Variants in FBN2 observed in about 807,000 individuals in gnomAD.
FBN2 encodes fibrillin-2.
In FBN2, 105 loss-of-function variants were observed where a neutral mutation model predicts 355.6. The ratio of observed to expected loss-of-function variants is 0.30; its 90% CI spans 0.25 to 0.35. FBN2 has a LOEUF of 0.35. FBN2 is among the 10% of genes least tolerant of loss of function. The probability of loss-of-function intolerance (pLI) is 1.00; values close to 1 mark genes in which losing one functional copy is unlikely to be tolerated. For synonymous variants in FBN2, 1,350 were observed against 1,301.2 expected (o/e 1.04, Z -0.81); for missense variants, 3,280 against 3,758.7 (o/e 0.87, Z 3.33).
At position 128,274,549 on chromosome 5, in the gene FBN2, T is replaced by G; in HGVS notation, c.7711+18A>C. The G allele has an allele frequency of 7.1e-7, 1 of 1,404,214 alleles. No homozygotes were observed. Among genetic ancestry groups the G allele is most frequent in the Non-Finnish European group, 1.0e-6 (1 of 988,354 alleles). The allele number at this position is 1,404,214 out of a possible 1,614,324, so 87.0% of individuals were successfully genotyped here. ...TACTAGAAGTTTGTAAAATTTCCCA[T>G]TTGTAACTTTGTCTTACCGATACAA... On this transcript the variant is annotated intron_variant, in intron 60 of 64. Coordinates refer to ENST00000262464, the MANE Select transcript of FBN2 (RefSeq NM_001999.4).
At chr5:128,500,167 T>A (rs1051365216) in intron 5 of FBN2, among the ~76,000 whole-genome samples, 1 of 151,876 alleles carries the variant, frequency 6.6e-6, no homozygotes, top group African/African-American at 2.4e-5. Context: ...ATAAAAAAAA[T>A]TCCTGGAAAA....
At chr5:128,506,429 T>G (rs1426617093) in intron 5 of FBN2, among the ~76,000 whole-genome samples, 1 of 152,176 alleles carries the variant, frequency 6.6e-6, no homozygotes, top group Non-Finnish European at 1.5e-5. Context: ...AATAAGATGA[T>G]GTAAATGGTA....
intron 36 of FBN2, among the ~76,000 whole-genome samples, chr5:128,316,263 G>A (rs559642810): frequency 3.4e-4 from 52 of 151,972 alleles, no homozygotes; most frequent in Non-Finnish European, 7.1e-4. Flanking sequence ...TCCACTTCTC[G>A]TTATTTTACT....
intron 9 of FBN2, among the ~76,000 whole-genome samples, chr5:128,394,042 T>C (rs1325648839): frequency 2.0e-5 from 3 of 152,178 alleles, no homozygotes; most frequent in Non-Finnish European, 2.9e-5. Flanking sequence ...TCCAAAATTA[T>C]TTACTAGGCA....
At chr5:128,330,450 G>T in intron 33 of FBN2, 123 bp downstream of exon 33, 1 of 962,286 alleles carries the variant, frequency 1.0e-6, no homozygotes, top group Non-Finnish European at 1.6e-6. Flanking sequence ...TCACCTGCAA[G>T]TCAAGTATAA....
intron 53 of FBN2, among the ~76,000 whole-genome samples, chr5:128,287,923 CTG>C (rs1300654891): frequency 6.6e-6 from 1 of 152,144 alleles, no homozygotes; most frequent in Non-Finnish European, 1.5e-5. Context: ...AGTGGCATGA[CTG>C]TACTATGCAT....
Position 128,303,069 on chromosome 5 carries a change from G to T in FBN2, c.5821C>A (p.His1941Asn). The T allele has an allele frequency of 6.2e-7, 1 of 1,607,646 alleles. No individual in the cohort carries two copies. Among genetic ancestry groups the T allele is most frequent in the Non-Finnish European group, 8.5e-7 (1 of 1,174,248 alleles). ...TTACAAGTTCCATTTCCACATGGAT[G>T]CCGCTCGCACTCATCAACATCTATA... ...MCMDVDECERHPCGNGTCKNT... is the reference protein window; with the variant it reads ...MCMDVDECERNPCGNGTCKNT... Residue 1941 changes from histidine (H) to asparagine (N), a missense_variant, in exon 46 of 65, where the codon CAT becomes AAT. Coordinates refer to ENST00000262464, the MANE Select transcript of FBN2 (RefSeq NM_001999.4).
In FBN2 at chr5:128,303,036, C is replaced by A. The variant is rs763393398; in HGVS notation, c.5854G>T (p.Val1952Phe). 1 of 1,612,970 alleles carries A rather than the reference C, an allele frequency of 6.2e-7. No homozygotes were observed. Among genetic ancestry groups the A allele is most frequent in the South Asian group, 1.1e-5 (1 of 91,052 alleles). ...TAGCACAGACAGTTATAGGATCCAA[C>A]GGTGTTTTTACAAGTTCCATTTCCA... is the stretch of plus-strand genomic sequence containing the variant. ...PCGNGTCKNTVGSYNCLCYPG... is the reference protein window; with the variant it reads ...PCGNGTCKNTFGSYNCLCYPG... The change falls in exon 46 of 65, where the codon GTT (valine) becomes TTT (phenylalanine). Residue 1952 changes from valine to phenylalanine, a missense_variant. Val to Phe is a conservative substitution (Grantham distance 50, BLOSUM62 -1). This residue lies in a region of FBN2 where 2,284 missense variants were observed against 2,749.5 expected (regional missense o/e 0.83). Transcript: ENST00000262464.
intron 2 of FBN2, among the ~76,000 whole-genome samples, chr5:128,535,703 T>C (rs1031133103): frequency 6.6e-6 from 1 of 152,096 alleles, no homozygotes; most frequent in African/African-American, 2.4e-5. Context: ...ATCAAAACTT[T>C]TAAGGTCAGA....
intron 6 of FBN2, among the ~76,000 whole-genome samples, chr5:128,463,269 C>T (rs1011742247): frequency 6.6e-6 from 1 of 151,894 alleles, no homozygotes; most frequent in Admixed American, 6.6e-5. Context: ...GTTGCACTAC[C>T]AGGAACTCTA....
chr5:128,419,309 A>T (rs1753284369), intron 7 of FBN2, among the ~76,000 whole-genome samples: 1 of 152,104 alleles, frequency 6.6e-6, no homozygotes, highest in African/African-American at 2.4e-5. Context: ...TTATTTACCT[A>T]ATTGCATAAT....
At chr5:128,435,909 T>G (rs1434863646) in intron 7 of FBN2, among the ~76,000 whole-genome samples, 2 of 152,218 alleles carry the variant, frequency 1.3e-5, no homozygotes, top group Admixed American at 1.3e-4. Context: ...TTTATGACAA[T>G]GATGTTACCC....
At chr5:128,337,872 T>A in intron 27 of FBN2, 125 bp downstream of exon 27, 1 of 1,015,060 alleles carries the variant, frequency 9.9e-7, no homozygotes, top group South Asian at 1.4e-5. Context: ...ATGTAGGGAA[T>A]CTCAATTTCC....
chr5:128,505,707 A>C (rs1285202549), intron 5 of FBN2, among the ~76,000 whole-genome samples: 2 of 132,806 alleles, frequency 1.5e-5, no homozygotes, highest in African/African-American at 3.5e-5. Flanking sequence ...TTATATAAAA[A>C]TAAAATCATA....
intron 48 of FBN2, among the ~76,000 whole-genome samples, chr5:128,295,553 T>C (rs940432100): frequency 7.0e-6 from 1 of 143,296 alleles, no homozygotes; most frequent in African/African-American, 2.8e-5. Context: ...GTCCTTCACA[T>C]CCCTTGTAAG....
At chr5:128,493,564 AG>A (rs2127129290) in intron 5 of FBN2, among the ~76,000 whole-genome samples, 1 of 152,282 alleles carries the variant, frequency 6.6e-6, no homozygotes, top group East Asian at 1.9e-4. Context: ...TCCTTCATAA[AG>A]GGCCTTCTAT....
rs1249730455 is a variant in FBN2, at chr5:128,328,687, G to T, written c.4471+9C>A. On this transcript the variant is annotated intron_variant, in intron 34 of 64. Coordinates refer to ENST00000262464, the MANE Select transcript of FBN2 (RefSeq NM_001999.4). ...AACTTGAAAATGAGTTGGAATCCTG[G>T]TGACCCACCTTGGCAGGATCTGCTG... 1 of 1,613,894 alleles carries T rather than the reference G, an allele frequency of 6.2e-7. No individual in the cohort carries two copies. The highest frequency in any genetic ancestry group is 1.7e-5 in the Admixed American group (1 of 59,970).
chr5:128,533,307 A>C (rs1295258888), intron 2 of FBN2, among the ~76,000 whole-genome samples: 1 of 152,144 alleles, frequency 6.6e-6, no homozygotes, highest in East Asian at 1.9e-4. Flanking sequence ...AAACCAAATG[A>C]AGGTTTGATG....
chr5:128,298,164 C>T lies in FBN2; in HGVS notation c.6166+2653G>A, dbSNP rs994827470. On this transcript the variant is annotated intron_variant, in intron 48 of 64. Transcript: ENST00000262464. ...TTCTTTAAGAATGTTGAATATTGGC[C>T]GCCACTCTCTTCTGGCTTGTAGAGT... 2.0e-3 allele frequency among the ~76,000 whole-genome samples: 303 copies of T among 151,698 alleles called. 2 individuals carry two copies. Among genetic ancestry groups the T allele is most frequent in the African/African-American group, 6.8e-3 (280 of 41,098 alleles).
Sources: allele counts gnomAD v4.1 joint callset (sites outside exome capture counted in the v4.1 genomes callset), GRCh38; gene constraint gnomAD v4.1.1; regional missense constraint gnomAD v4.1.1; transcripts MANE v1.5; gene names NCBI Gene and HGNC (gene_info 2026-07-23, HGNC 2026-07-21).